ZNF862: variants seen among roughly 807,000 people sequenced by gnomAD.
ZNF862 encodes the protein zinc finger protein 862.
A neutral mutation model predicts 91.1 loss-of-function variants in ZNF862; 64 were observed. The observed-to-expected ratio is 0.70, with a 90% CI of 0.57 to 0.87. The LOEUF is 0.87. ZNF862 is among the 40% of genes least tolerant of loss of function. The pLI is 0.00. For synonymous variants in ZNF862, 631 were observed against 618.1 expected (o/e 1.02, Z -0.31); for missense variants, 1,459 against 1,528.0 (o/e 0.95, Z 0.75).
chr7:149,856,561 A>G lies in ZNF862; in HGVS notation c.1118-2861A>G, dbSNP rs1802271467. Among the ~76,000 whole-genome samples the G allele has an allele frequency of 1.3e-5, 2 of 152,102 alleles. 1 individual carries two copies. The highest frequency in any genetic ancestry group is 4.1e-4 in the South Asian group (2 of 4,830). On this transcript the variant is annotated intron_variant, in intron 5 of 7. Coordinates refer to ENST00000223210, the MANE Select transcript of ZNF862 (RefSeq NM_001099220.3). ...CTCATCAGTTCTTCCCAGACTGTCCAGTGGAATTATAAAACTCCTCCGAAG... is the reference window on the plus strand; with the variant it reads ...CTCATCAGTTCTTCCCAGACTGTCCGGTGGAATTATAAAACTCCTCCGAAG...
Position 149,844,695 on chromosome 7 carries a change from A to G in ZNF862, c.95A>G (p.Gln32Arg). The G allele has an allele frequency of 6.2e-7, 1 of 1,602,856 alleles. No homozygotes were observed. Among genetic ancestry groups the G allele is most frequent in the Non-Finnish European group, 8.5e-7 (1 of 1,174,536 alleles). Reference sequence around the variant, plus strand: ...GAATGGGTGCTGCTGAGCCAGCAACAGAAGGAGCTCTGTGGTTCCAACAAG... The same window carrying G: ...GAATGGGTGCTGCTGAGCCAGCAACGGAAGGAGCTCTGTGGTTCCAACAAG... The part of the protein sequence containing the change: ...QEEWVLLSQQ[Q>R]KELCGSNKLV... Residue 32 changes from glutamine (Q) to arginine (R), a missense_variant, in exon 2 of 8, where the codon CAG becomes CGG. Coordinates refer to ENST00000223210, the MANE Select transcript of ZNF862 (RefSeq NM_001099220.3).
chr7:149,863,261 C>A (rs181011717), intron 7 of ZNF862, among the ~76,000 whole-genome samples: 5 of 152,166 alleles, frequency 3.3e-5, no homozygotes, highest in Non-Finnish European at 7.3e-5. Context: ...AGACCACTCG[C>A]GACCACTTGA....
chr7:149,842,237 G>C (rs544789056), intron 1 of ZNF862, among the ~76,000 whole-genome samples: 1 of 152,304 alleles, frequency 6.6e-6, no homozygotes, highest in South Asian at 2.1e-4. Flanking sequence ...TGCGAGATAG[G>C]CTGGGTGATT....
chr7:149,857,434 T>C (rs1413531422), intron 5 of ZNF862, among the ~76,000 whole-genome samples: 2 of 152,196 alleles, frequency 1.3e-5, no homozygotes, highest in Non-Finnish European at 2.9e-5. Flanking sequence ...TTATTTCCTC[T>C]TTCATGAATG....
Position 149,855,613 on chromosome 7 carries a change from C to T in ZNF862, c.1118-3809C>T, listed in dbSNP as rs1184479387. 6.6e-6 allele frequency among the ~76,000 whole-genome samples: 1 copy of T among 152,176 alleles called. No individual in the cohort carries two copies. Among genetic ancestry groups the T allele is most frequent in the East Asian group, 1.9e-4 (1 of 5,198 alleles). ...GGGTGTTTGTGGGTTCTGCAGTACC[C>T]CCAACAGGCACTGAGACCCTCTCGC... On this transcript the variant is annotated intron_variant, in intron 5 of 7. Coordinates refer to ENST00000223210, the MANE Select transcript of ZNF862 (RefSeq NM_001099220.3). This position sits in a 1 kb window ranked among gnomAD's most constrained non-coding sequence, Gnocchi z 4.1.
rs1200467510 is a variant in ZNF862 at position 149,855,272 on chromosome 7, TATCA to T, written c.1118-4149_1118-4146del. Among the ~76,000 whole-genome samples, 7 of 152,222 alleles carry T rather than the reference TATCA, an allele frequency of 4.6e-5. No homozygotes were observed. The East Asian group carries it at 9.6e-4, about 21-fold the overall frequency. On this transcript the variant is annotated intron_variant, in intron 5 of 7. Transcript: ENST00000223210. This position sits in a 1 kb window ranked among gnomAD's most constrained non-coding sequence, Gnocchi z 4.1. Reference sequence around the variant, plus strand: ...AATCTTTTCTGTAAATTTGAAATTATATCAGAGATTTACCAAAAGGAAAATGTAG... The same window carrying T: ...AATCTTTTCTGTAAATTTGAAATTATGAGATTTACCAAAAGGAAAATGTAG...
intron 5 of ZNF862, among the ~76,000 whole-genome samples, chr7:149,854,380 A>G (rs1239077603): frequency 6.6e-6 from 1 of 152,244 alleles, no homozygotes; most frequent in Non-Finnish European, 1.5e-5. Flanking sequence ...GCATGATGCT[A>G]GGACAGATGC....
chr7:149,854,782 T>C (rs1802199288), intron 5 of ZNF862, among the ~76,000 whole-genome samples: 1 of 152,248 alleles, frequency 6.6e-6, no homozygotes, highest in Admixed American at 6.5e-5. Context: ...TGTGGCCCCC[T>C]CCGTGCTCAG....
rs1221464673 is a variant in ZNF862 at position 149,860,744 on chromosome 7, T to C, written c.1584T>C (p.Cys528=). Residue 528 remains cysteine, a synonymous_variant, in exon 7 of 8, where the codon TGT becomes TGC. Coordinates refer to ENST00000223210, the MANE Select transcript of ZNF862 (RefSeq NM_001099220.3). ...AAGTCAGCAAAGCGCACAGGCTCTG[T>C]GTCAACACGGTTGAAATCAAGGAAG... ...YHEVSKAHRL[C]VNTVEIKEDT... 6.2e-7 allele frequency: 1 copy of C among 1,613,942 alleles called. No individual in the cohort carries two copies. The highest frequency in any genetic ancestry group is 2.2e-5 in the East Asian group (1 of 44,872).
rs1029501249 is a variant in ZNF862, at chr7:149,862,328, G to A, written c.3168G>A (p.Lys1056=). The part of the protein sequence containing the change: ...MNRIRTDERT[K]LSNEVLNMLM... ...GAATCAGGACCGATGAGAGGACCAA[G>A]CTCTCCAACGAGGTGCTCAACATGC... Residue 1056 remains lysine (K), a synonymous_variant, in exon 7 of 8, where the codon AAG becomes AAA. Coordinates refer to ENST00000223210, the MANE Select transcript of ZNF862 (RefSeq NM_001099220.3). 3 of 1,613,304 alleles carry A rather than the reference G, an allele frequency of 1.9e-6. No individual in the cohort carries two copies. The African/African-American group carries it at 4.0e-5, about 22-fold the overall frequency.
In ZNF862 at chr7:149,847,724, C is replaced by G. The variant is rs1801919752; in HGVS notation, c.242-11C>G. On this transcript the variant is annotated splice_polypyrimidine_tract_variant and intron_variant, in intron 3 of 7. Coordinates refer to ENST00000223210, the MANE Select transcript of ZNF862 (RefSeq NM_001099220.3). Reference sequence around the variant, plus strand: ...ATTTTAAAGCCAATCCCTTCTGTCTCTTCTCTAAAGGAAAAAAACAGATGG... The same window carrying G: ...ATTTTAAAGCCAATCCCTTCTGTCTGTTCTCTAAAGGAAAAAAACAGATGG... 1.3e-6 allele frequency: 2 copies of G among 1,596,756 alleles called. No homozygotes were observed. Among genetic ancestry groups the G allele is most frequent in the South Asian group, 2.3e-5 (2 of 88,608 alleles).
Position 149,860,850 on chromosome 7 carries a change from T to A in ZNF862, c.1690T>A (p.Ser564Thr), listed in dbSNP as rs768209279. Residue 564 changes from serine to threonine, a missense_variant, in exon 7 of 8, where the codon TCC (serine) becomes ACC (threonine). Transcript: ENST00000223210. ...NMEHFFNAAYSIAYHSRPLND... is the reference protein window; with the variant it reads ...NMEHFFNAAYTIAYHSRPLND... Reference sequence around the variant, plus strand: ...GGAGCACTTTTTCAATGCCGCCTACTCCATTGCATACCACTCAAGGCCCCT... The same window carrying A: ...GGAGCACTTTTTCAATGCCGCCTACACCATTGCATACCACTCAAGGCCCCT... 3 of 1,613,652 alleles carry A rather than the reference T, an allele frequency of 1.9e-6. No homozygotes were observed. The highest frequency in any genetic ancestry group is 2.5e-6 in the Non-Finnish European group (3 of 1,179,880).
In ZNF862 at chr7:149,838,559, C is replaced by T. The variant is rs545910009; in HGVS notation, c.-53C>T. 1.8e-3 allele frequency: 2,149 copies of T among 1,183,340 alleles called. 5 individuals are homozygous for T. The highest frequency in any genetic ancestry group is 2.1e-3 in the Non-Finnish European group (1,989 of 943,282). The allele number at this position is 1,183,340 out of a possible 1,614,324, so 73.3% of individuals were successfully genotyped here. ...CCGGGGCGGTCGCGGCGGCTGCATCCTCAGGCCAGGCCGCGGGGGGAGGGG... is the reference window on the plus strand; with the variant it reads ...CCGGGGCGGTCGCGGCGGCTGCATCTTCAGGCCAGGCCGCGGGGGGAGGGG... On this transcript the variant is annotated 5_prime_UTR_variant, in exon 1 of 8. Transcript: ENST00000223210.
chr7:149,847,922 G>A lies in ZNF862; in HGVS notation c.429G>A (p.Trp143Ter). Reference protein sequence around the residue: ...LLKPRSIQKSWFVQFPWLIMN... With the variant: ...LLKPRSIQKS ...AGCCCCGGTCCATCCAGAAGTCGTG[G>A]TTTGTGCAGTTTCCGTGGCTGATCA... The change falls in exon 4 of 8, where the codon TGG (tryptophan) becomes TGA (stop). Residue 143 changes from tryptophan to a stop codon, truncating the protein, a stop_gained. Transcript: ENST00000223210. LOFTEE classifies it high-confidence loss of function. 6.2e-6 allele frequency: 10 copies of A among 1,606,394 alleles called. No homozygotes were observed. The highest frequency in any genetic ancestry group is 8.5e-6 in the Non-Finnish European group (10 of 1,176,118).
At chr7:149,859,611 G>A in intron 6 of ZNF862, 85 bp downstream of exon 6, 1 of 1,173,806 alleles carries the variant, frequency 8.5e-7, no homozygotes, top group East Asian at 2.6e-5. Flanking sequence ...GCTCAGCTGT[G>A]CTCATCTGAT....
chr7:149,841,263 G>T (rs1801694001), intron 1 of ZNF862: 1 of 985,292 alleles, frequency 1.0e-6, no homozygotes, highest in Non-Finnish European at 1.2e-6. Context: ...TCTATTACTA[G>T]ACTCTTCCTT....
intron 6 of ZNF862, chr7:149,859,959 C>G (rs934832241): frequency 7.9e-6 from 2 of 252,046 alleles, no homozygotes; most frequent in Non-Finnish European, 1.5e-5. Flanking sequence ...ACACTTACTT[C>G]TGTACCTACT....
chr7:149,838,437 T>C lies in ZNF862; in HGVS notation c.-175T>C. Reference sequence around the variant, plus strand: ...CTCAGCTCAGCGCGCTTATCCTGGGTCCACCGGCGCTACCGCCCCCCGACG... The same window carrying C: ...CTCAGCTCAGCGCGCTTATCCTGGGCCCACCGGCGCTACCGCCCCCCGACG... On this transcript the variant is annotated 5_prime_UTR_variant, in exon 1 of 8. Coordinates refer to ENST00000223210, the MANE Select transcript of ZNF862 (RefSeq NM_001099220.3). 2.4e-6 allele frequency: 1 copy of C among 409,108 alleles called. No homozygotes were observed. Among genetic ancestry groups the C allele is most frequent in the Non-Finnish European group, 4.2e-6 (1 of 236,552 alleles). 25.3% of individuals were successfully genotyped at this position (409,108 alleles called of 1,614,324 possible).
At chr7:149,859,954 T>TA (rs1802402264) in intron 6 of ZNF862, 2 of 245,430 alleles carry the variant, frequency 8.1e-6, no homozygotes, top group East Asian at 9.1e-5. Context: ...TTGCTACACT[T>TA]ACTTCTGTAC....
Sources: allele counts gnomAD v4.1 joint callset (sites outside exome capture counted in the v4.1 genomes callset), GRCh38; gene constraint gnomAD v4.1.1; non-coding constraint Gnocchi (gnomAD v3.1); transcripts MANE v1.5; gene names NCBI Gene and HGNC (gene_info 2026-07-23, HGNC 2026-07-21).